Variants in PATJ observed in about 807,000 individuals in gnomAD.
PATJ encodes the protein PATJ crumbs cell polarity complex component.
A neutral mutation model predicts 224.9 loss-of-function variants in PATJ; 190 were observed. The observed-to-expected ratio is 0.84, with a 90% confidence interval of 0.75 to 0.95. PATJ has a LOEUF of 0.95. PATJ is among the 40% of genes least tolerant of loss of function. The pLI is 0.00. For synonymous variants in PATJ, 769 were observed against 820.3 expected (o/e 0.94, Z 1.07); for missense variants, 2,121 against 2,270.3 (o/e 0.93, Z 1.34).
At chr1:61,827,946 C>G (rs138150706) in intron 16 of PATJ, among the ~76,000 whole-genome samples, 2 of 152,024 alleles carry the variant, frequency 1.3e-5, no homozygotes, top group Non-Finnish European at 2.9e-5. Flanking sequence ...TTTTTAAGAG[C>G]CTTAAAATTA....
At chr1:61,877,325 C>A (rs1261604176) in intron 21 of PATJ, among the ~76,000 whole-genome samples, 1 of 150,822 alleles carries the variant, frequency 6.6e-6, no homozygotes, top group African/African-American at 2.4e-5. Context: ...ATTCTGCTTG[C>A]CTTTATTTTG....
At chr1:62,032,512 A>G (rs1649527173) in intron 29 of PATJ, among the ~76,000 whole-genome samples, 1 of 152,148 alleles carries the variant, frequency 6.6e-6, no homozygotes. Flanking sequence ...TGGAAGTGAA[A>G]TTTGTCTGTA....
intron 17 of PATJ, among the ~76,000 whole-genome samples, chr1:61,853,626 T>C (rs547090719): frequency 5.9e-5 from 9 of 152,198 alleles, no homozygotes; most frequent in Non-Finnish European, 1.3e-4. Flanking sequence ...AAACTTAAAA[T>C]GTAATGGTTT....
chr1:62,136,956 A>G (rs1666970969), intron 41 of PATJ, among the ~76,000 whole-genome samples: 1 of 152,162 alleles, frequency 6.6e-6, no homozygotes, highest in Admixed American at 6.5e-5. Context: ...AACCTTTAGG[A>G]GAGTTCTAAG....
rs574619226 is a variant in PATJ at position 61,987,934 on chromosome 1, C to A, written c.3671-2234C>A. ...ATTACTGGGGCCAGACATGGTGGCT[C>A]ACACCTGTAATCCCAGCACTATAAG... On this transcript the variant is annotated intron_variant, in intron 27 of 43. Transcript: ENST00000642238. Among the ~76,000 whole-genome samples, 4 of 152,332 alleles carry A rather than the reference C, an allele frequency of 2.6e-5. No homozygotes were observed. In the South Asian group the frequency reaches 8.3e-4, roughly 32 times the overall value.
intron 27 of PATJ, among the ~76,000 whole-genome samples, chr1:61,945,975 A>G (rs1034665510): frequency 1.3e-5 from 2 of 152,252 alleles, no homozygotes; most frequent in Non-Finnish European, 2.9e-5. Flanking sequence ...TACTGGGTAC[A>G]TAATGAAATG....
At chr1:61,928,091 G>C (rs1261018411) in intron 27 of PATJ, among the ~76,000 whole-genome samples, 2 of 152,060 alleles carry the variant, frequency 1.3e-5, no homozygotes, top group African/African-American at 4.8e-5. Context: ...TTGTTTGGTT[G>C]TGAATACAAA....
intron 27 of PATJ, among the ~76,000 whole-genome samples, chr1:61,953,287 G>A (rs1156579187): frequency 6.6e-6 from 1 of 152,186 alleles, no homozygotes; most frequent in Non-Finnish European, 1.5e-5. Context: ...GTTAACTCAA[G>A]AGTTAGACAT....
At position 62,123,038 on chromosome 1, in the gene PATJ, A is replaced by G; in HGVS notation, c.5023A>G (p.Arg1675Gly). The G allele has an allele frequency of 6.3e-7, 1 of 1,596,738 alleles. No homozygotes were observed. The highest frequency in any genetic ancestry group is 2.3e-5 in the East Asian group (1 of 44,092). ...CTTTATAGGCACAGATATGGAACCA[A>G]GGACTGTTGAGATAAACAGGGTAAG... is the stretch of plus-strand genomic sequence containing the variant. ...QKNSGTDMEP[R>G]TVEINRELSD... Residue 1675 changes from arginine (R) to glycine (G), a missense_variant, in exon 39 of 44, where the codon AGG (arginine) becomes GGG (glycine). Transcript: ENST00000642238.
intron 27 of PATJ, among the ~76,000 whole-genome samples, chr1:61,969,925 C>G (rs1682713430): frequency 6.6e-6 from 1 of 152,126 alleles, no homozygotes; most frequent in South Asian, 2.1e-4. Flanking sequence ...AACTCCTGAC[C>G]TCAAGTGATC....
chr1:62,152,096 T>C (rs1187734141), intron 42 of PATJ, among the ~76,000 whole-genome samples: 2 of 152,176 alleles, frequency 1.3e-5, no homozygotes, highest in African/African-American at 2.4e-5. Flanking sequence ...TGATCCTGAG[T>C]TTCTGACAAG....
chr1:62,095,144 C>A (rs528635745), intron 33 of PATJ, among the ~76,000 whole-genome samples: 2 of 152,114 alleles, frequency 1.3e-5, no homozygotes, highest in East Asian at 1.9e-4. Context: ...AATCTTTTAT[C>A]GTGACCCATG....
intron 7 of PATJ, among the ~76,000 whole-genome samples, chr1:61,783,949 G>A (rs575529722): frequency 2.6e-5 from 4 of 151,846 alleles, no homozygotes; most frequent in Non-Finnish European, 4.4e-5. Flanking sequence ...TCACCATGTT[G>A]GCCAGGCTGG....
intron 18 of PATJ, among the ~76,000 whole-genome samples, chr1:61,859,846 C>T (rs1664280271): frequency 6.6e-6 from 1 of 152,136 alleles, no homozygotes; most frequent in Admixed American, 6.5e-5. Flanking sequence ...TCTCAATCTC[C>T]TGACCTCAGG....
At position 62,161,912 on chromosome 1, in the gene PATJ, T is replaced by C. The variant is rs947959076; in HGVS notation, c.*858T>C. On this transcript the variant is annotated 3_prime_UTR_variant, in exon 44 of 44. Coordinates refer to ENST00000642238, the MANE Select transcript of PATJ (RefSeq NM_001350145.3). The stretch of plus-strand genomic sequence containing the variant: ...CAAGATGAAATACCAGATTCTCCTA[T>C]GGGAAATTACTGTGCTGTCTTCTGT... 6.6e-6 allele frequency: 1 copy of C among 152,258 alleles called. No homozygotes were observed. Among genetic ancestry groups the C allele is most frequent in the African/African-American group, 2.4e-5 (1 of 41,468 alleles). 9.4% of individuals were successfully genotyped at this position (152,258 alleles called of 1,614,324 possible). A position where few individuals can be genotyped will look rare whatever the true frequency, so the allele number is the denominator to read the frequency against.
intron 21 of PATJ, among the ~76,000 whole-genome samples, chr1:61,877,133 C>G (rs1369788709): frequency 1.3e-5 from 2 of 152,106 alleles, no homozygotes; most frequent in Non-Finnish European, 2.9e-5. Context: ...TAACTACACA[C>G]TAAGCTTCAG....
intron 5 of PATJ, 79 bp from the exon 6 acceptor site, chr1:61,771,352 C>T (rs1646596865): frequency 7.2e-6 from 6 of 836,194 alleles, no homozygotes. Context: ...CCATAGGCAA[C>T]AAACTGCTTA....
At chr1:62,113,486 A>C (rs74492991) in intron 34 of PATJ, among the ~76,000 whole-genome samples, 15,743 of 152,184 alleles carry the variant, frequency 0.1, 1,807 homozygotes, top group African/African-American at 0.28. Context: ...AATTTAAAAA[A>C]TTAGCTAGAC....
intron 17 of PATJ, among the ~76,000 whole-genome samples, chr1:61,845,923 C>G (rs1661872014): frequency 1.3e-5 from 2 of 152,134 alleles, no homozygotes; most frequent in South Asian, 4.1e-4. Context: ...GGCATAGATT[C>G]AACCCTGTGT....
Sources: allele counts gnomAD v4.1 joint callset (sites outside exome capture counted in the v4.1 genomes callset), GRCh38; gene constraint gnomAD v4.1.1; transcripts MANE v1.5; gene names NCBI Gene and HGNC (gene_info 2026-07-23, HGNC 2026-07-21).